COX10: variants seen among roughly 807,000 people sequenced by gnomAD.
COX10 encodes cytochrome c oxidase assembly factor heme A:farnesyltransferase COX10.
Under a neutral mutation model 37.3 loss-of-function variants are expected in COX10, and 27 were observed. That is an observed-to-expected ratio of 0.72 (90% confidence interval 0.53 to 1.00). The LOEUF (loss-of-function observed/expected upper bound fraction) is 1.00. Among genes scored for constraint, COX10 ranks in the 50% least tolerant of loss-of-function variants. The pLI is 0.00. For missense variants in COX10, 475 were observed against 563.2 expected (o/e 0.84, Z 1.59); for synonymous variants, 222 against 229.1 (o/e 0.97, Z 0.28).
intron 6 of COX10, among the ~76,000 whole-genome samples, chr17:14,198,117 C>T (rs1906422252): frequency 2.0e-5 from 3 of 152,178 alleles, no homozygotes. Context: ...GTCACAGGAA[C>T]TGCCGCACTT....
At chr17:14,150,517 A>G (rs1197690615) in intron 4 of COX10, among the ~76,000 whole-genome samples, 4 of 152,188 alleles carry the variant, frequency 2.6e-5, no homozygotes, top group Admixed American at 1.3e-4. Context: ...TTTCAACTGG[A>G]AAGGGCAGAG....
chr17:14,166,404 TACCAGTAC>T (rs1409854324), intron 5 of COX10, among the ~76,000 whole-genome samples: 3 of 152,220 alleles, frequency 2.0e-5, no homozygotes, highest in Non-Finnish European at 4.4e-5. Flanking sequence ...AAAGCCTGGA[TACCAGTAC>T]ATCTGATTGC....
At chr17:14,164,050 C>T (rs74413341) in intron 5 of COX10, among the ~76,000 whole-genome samples, 1,699 of 152,160 alleles carry the variant, frequency 0.011, 25 homozygotes, top group African/African-American at 0.039. Flanking sequence ...TAGCATTGTG[C>T]GTGTATGTAA....
intron 6 of COX10, among the ~76,000 whole-genome samples, chr17:14,194,782 G>A (rs1278784310): frequency 1.3e-5 from 2 of 152,174 alleles, no homozygotes; most frequent in East Asian, 3.9e-4. Flanking sequence ...TTAATCATTT[G>A]TATACAAACT....
chr17:14,204,975 C>T (rs182353170), intron 6 of COX10, among the ~76,000 whole-genome samples: 4 of 152,104 alleles, frequency 2.6e-5, no homozygotes, highest in African/African-American at 4.8e-5. Context: ...AGTTTGGTGA[C>T]GTGCACCTAT....
intron 3 of COX10, among the ~76,000 whole-genome samples, chr17:14,088,614 C>T (rs1042373450): frequency 6.6e-6 from 1 of 151,918 alleles, no homozygotes; most frequent in Non-Finnish European, 1.5e-5. Context: ...TAATCACTCT[C>T]AAAATATATT....
chr17:14,127,785 G>A (rs543218412), intron 4 of COX10, among the ~76,000 whole-genome samples: 2 of 152,138 alleles, frequency 1.3e-5, no homozygotes, highest in East Asian at 3.9e-4. Flanking sequence ...TTAATTACAT[G>A]CTACTGAGAA....
intron 6 of COX10, among the ~76,000 whole-genome samples, chr17:14,204,079 T>C (rs1428371849): frequency 1.3e-5 from 2 of 152,164 alleles, no homozygotes; most frequent in African/African-American, 2.4e-5. Flanking sequence ...GCTCCCTTGA[T>C]GAGTTTGGGC....
intron 3 of COX10, among the ~76,000 whole-genome samples, chr17:14,101,882 T>A (rs1294941116): frequency 4.6e-5 from 7 of 152,200 alleles, no homozygotes; most frequent in Non-Finnish European, 1.0e-4. Context: ...CTGACCTTAT[T>A]TTTTTTCTCT....
chr17:14,146,947 T>C (rs1252066678), intron 4 of COX10, among the ~76,000 whole-genome samples: 2 of 152,078 alleles, frequency 1.3e-5, no homozygotes, highest in Non-Finnish European at 2.9e-5. Flanking sequence ...CAATGAGATA[T>C]CATCTCACCC....
chr17:14,097,282 G>A (rs1462702029), intron 3 of COX10, among the ~76,000 whole-genome samples: 1 of 151,042 alleles, frequency 6.6e-6, no homozygotes, highest in South Asian at 2.1e-4. Flanking sequence ...TTGCTTTGAT[G>A]AAATAAGTAT....
At chr17:14,102,882 C>T (rs1208849425) in intron 4 of COX10, among the ~76,000 whole-genome samples, 1 of 151,922 alleles carries the variant, frequency 6.6e-6, no homozygotes, top group African/African-American at 2.4e-5. Context: ...TTGGCCAAAA[C>T]TTAAGGAAAA....
At chr17:14,113,656 A>G (rs531919138) in intron 4 of COX10, among the ~76,000 whole-genome samples, 7 of 152,276 alleles carry the variant, frequency 4.6e-5, no homozygotes, top group African/African-American at 9.6e-5. Flanking sequence ...ATATCGTAAA[A>G]GAGCTCATTG....
intron 4 of COX10, among the ~76,000 whole-genome samples, chr17:14,137,857 T>G (rs958319436): frequency 4.6e-5 from 7 of 152,086 alleles, no homozygotes; most frequent in African/African-American, 1.7e-4. Flanking sequence ...TGGTTTTTCT[T>G]TCCATGCAGA....
At chr17:14,085,762 G>A (rs529153042) in intron 3 of COX10, among the ~76,000 whole-genome samples, 4 of 152,098 alleles carry the variant, frequency 2.6e-5, no homozygotes, top group Non-Finnish European at 4.4e-5. Context: ...CAACAGGTAC[G>A]CATGGTTTTA....
At chr17:14,146,872 G>A (rs1465088669) in intron 4 of COX10, among the ~76,000 whole-genome samples, 1 of 152,102 alleles carries the variant, frequency 6.6e-6, no homozygotes, top group Non-Finnish European at 1.5e-5. Context: ...ACATACAAAT[G>A]GCAGACAGGC....
chr17:14,140,542 A>T (rs72816659), intron 4 of COX10, among the ~76,000 whole-genome samples: 7,800 of 152,142 alleles, frequency 0.051, 275 homozygotes, highest in Non-Finnish European at 0.074. Context: ...TTTATTAGAG[A>T]TAAACTAAAC....
chr17:14,107,692 CA>C (rs1915925845), intron 4 of COX10, among the ~76,000 whole-genome samples: 1 of 151,944 alleles, frequency 6.6e-6, no homozygotes, highest in Non-Finnish European at 1.5e-5. Flanking sequence ...CACACACACA[CA>C]CCACACACGA....
intron 5 of COX10, among the ~76,000 whole-genome samples, chr17:14,174,678 T>C (rs878921308): frequency 1.3e-5 from 2 of 152,068 alleles, no homozygotes; most frequent in Non-Finnish European, 2.9e-5. Context: ...TGAAGCTCTC[T>C]TTTATTGCTA....
Sources: gnomAD v4.1 joint callset for allele counts (sites outside exome capture counted in the v4.1 genomes callset) on GRCh38, gnomAD v4.1.1 for gene constraint, MANE v1.5 for transcripts, NCBI Gene and HGNC (gene_info 2026-07-23, HGNC 2026-07-21) for gene names.